The following LRP8 variants were observed in gnomAD, a reference collection of about 807,000 sequenced individuals.
LRP8 encodes the protein LDL receptor related protein 8.
LRP8 carries 46 observed loss-of-function variants against 111.6 expected under a neutral mutation model. The ratio of observed to expected loss-of-function variants is 0.41; its 90% CI spans 0.33 to 0.53. The LOEUF (loss-of-function observed/expected upper bound fraction) is 0.53. LRP8 is among the 20% of genes least tolerant of loss of function. The pLI, the probability that LRP8 is intolerant of heterozygous loss-of-function variation, is 0.20. For synonymous variants in LRP8, 464 were observed against 511.2 expected, an observed-to-expected ratio of 0.91 and a Z score of 1.24; for missense variants, 959 against 1,297.4, an observed-to-expected ratio of 0.74 and a Z score of 4.01.
chr1:53,258,491 C>G lies in LRP8; in HGVS notation c.2057-20G>C, dbSNP rs1572447057. On this transcript the variant is annotated intron_variant, in intron 13 of 18. Transcript: ENST00000306052. ...CTGGAGCTAATGGCAGAGAGGGAGA[C>G]AGCTGGGGCACAGACAGGACATGCC... 1.2e-6 allele frequency: 2 copies of G among 1,612,444 alleles called. No individual in the cohort carries two copies. Among genetic ancestry groups the G allele is most frequent in the Middle Eastern group, 1.7e-4 (1 of 5,874 alleles).
At chr1:53,289,792 G>T (rs912790503) in intron 2 of LRP8, 103 bp from the exon 3 acceptor site, 2 of 1,476,382 alleles carry the variant, frequency 1.4e-6, no homozygotes, top group African/African-American at 2.8e-5. Context: ...GGACTGCCTT[G>T]CTGACCAAGG....
chr1:53,324,345 G>A lies in LRP8; in HGVS notation c.244+2528C>T, dbSNP rs553756796. Among the ~76,000 whole-genome samples the A allele has an allele frequency of 8.4e-4, 128 of 152,172 alleles. 1 individual carries two copies. Among genetic ancestry groups the A allele is most frequent in the Non-Finnish European group, 1.5e-3 (104 of 68,036 alleles). On this transcript the variant is annotated intron_variant, in intron 2 of 18. Coordinates refer to ENST00000306052, the MANE Select transcript of LRP8 (RefSeq NM_004631.5). ...CAGCACCTGGCCCCAACACAGCCAC[G>A]TAAGCCCCACTCCGTTTCTTCAGTT...
chr1:53,255,075 A>G (rs1646031699), intron 16 of LRP8, 42 bp downstream of exon 16: 1 of 1,603,504 alleles, frequency 6.2e-7, no homozygotes, highest in African/African-American at 1.3e-5. Context: ...AGGCCTAAGC[A>G]GGGTCTCTCT....
chr1:53,249,648 G>A lies in LRP8; in HGVS notation c.2677-92C>T, dbSNP rs1333369517. On this transcript the variant is annotated intron_variant, in intron 17 of 18. Transcript: ENST00000306052. The surrounding 1 kb of genome is among the most constrained non-coding windows in gnomAD (Gnocchi z 4.1). ...ACAGTGACACCTGCTGTGCCACTTT[G>A]TGGTCCTCATTCCCCCAAAAAGCCA... is the stretch of plus-strand genomic sequence containing the variant. 1.1e-5 allele frequency: 16 copies of A among 1,447,874 alleles called. No homozygotes were observed. Among genetic ancestry groups the A allele is most frequent in the Non-Finnish European group, 1.4e-5 (15 of 1,100,156 alleles). 89.7% of individuals were successfully genotyped at this position (1,447,874 alleles called of 1,614,324 possible).
At chr1:53,289,352 A>G in intron 3 of LRP8, 1 of 513,644 alleles carries the variant, frequency 1.9e-6, no homozygotes, top group Non-Finnish European at 3.1e-6. Flanking sequence ...CTGCTGCCAC[A>G]GAAACAGGGT....
At chr1:53,321,311 G>T (rs1654481468) in intron 2 of LRP8, among the ~76,000 whole-genome samples, 1 of 152,284 alleles carries the variant, frequency 6.6e-6, no homozygotes, top group African/African-American at 2.4e-5. Context: ...TGGGTGATCT[G>T]GATGTGTGGG....
chr1:53,290,752 C>T (rs371451084), intron 2 of LRP8, among the ~76,000 whole-genome samples: 17 of 152,270 alleles, frequency 1.1e-4, no homozygotes, highest in Middle Eastern at 3.4e-3. Flanking sequence ...CAGCACTGGG[C>T]GCACCTAGCA....
intron 2 of LRP8, among the ~76,000 whole-genome samples, chr1:53,325,346 TAA>T (rs1353058246): frequency 6.6e-6 from 1 of 152,250 alleles, no homozygotes; most frequent in East Asian, 1.9e-4. Flanking sequence ...TTTTAATCTC[TAA>T]AATAGGACTG....
chr1:53,313,043 C>T lies in LRP8; in HGVS notation c.244+13830G>A, dbSNP rs1292346241. 2.0e-5 allele frequency among the ~76,000 whole-genome samples: 3 copies of T among 152,224 alleles called. No individual in the cohort carries two copies. In the East Asian group the frequency reaches 5.8e-4, roughly 29 times the overall value. Reference sequence around the variant, plus strand: ...GCAAGTTCTGGTCTAGCTGCAGCCTCAGGGTCATGCGGGGCCATGTCTGAT... The same window carrying T: ...GCAAGTTCTGGTCTAGCTGCAGCCTTAGGGTCATGCGGGGCCATGTCTGAT... On this transcript the variant is annotated intron_variant, in intron 2 of 18. Transcript: ENST00000306052.
chr1:53,271,708 T>C (rs1233030756), intron 6 of LRP8, among the ~76,000 whole-genome samples: 1 of 152,174 alleles, frequency 6.6e-6, no homozygotes, highest in Non-Finnish European at 1.5e-5. Flanking sequence ...GCCTCCTTCC[T>C]CGTGACCTCA....
Position 53,326,870 on chromosome 1 carries a change from C to CA in LRP8, c.244+2dup. On this transcript the variant is annotated splice_region_variant and intron_variant, in intron 2 of 18. Transcript: ENST00000306052. ...GGTCTGAGCTCCCTGGCCCGCCACT[C>CA]ACGGCAGTCGTCCTCGTCGCTGTGG... 1 of 1,612,204 alleles carries CA rather than the reference C, an allele frequency of 6.2e-7. No homozygotes were observed. The highest frequency in any genetic ancestry group is 8.5e-7 in the Non-Finnish European group (1 of 1,179,370).
chr1:53,284,596 G>A (rs1203361517), intron 3 of LRP8, among the ~76,000 whole-genome samples: 1 of 152,212 alleles, frequency 6.6e-6, no homozygotes, highest in Non-Finnish European at 1.5e-5. Flanking sequence ...AGACCCCAGT[G>A]CAGCAAGCGG....
chr1:53,258,297 C>T (rs754068385), intron 14 of LRP8, 22 bp downstream of exon 14: 10 of 1,607,816 alleles, frequency 6.2e-6, no homozygotes, highest in Non-Finnish European at 8.5e-6. Flanking sequence ...CAGGGGCCAT[C>T]CCTCCTGGAA....
At position 53,275,820 on chromosome 1, in the gene LRP8, C is replaced by A; in HGVS notation, c.884-67G>T. ...GTGCTAGGACAATTTCCCCACCACC[C>A]CAATCCCCATGCCATAGCCACCCCC... On this transcript the variant is annotated intron_variant, in intron 5 of 18. Coordinates refer to ENST00000306052, the MANE Select transcript of LRP8 (RefSeq NM_004631.5). The surrounding 1 kb of genome is among the most constrained non-coding windows in gnomAD (Gnocchi z 4.4). The A allele has an allele frequency of 6.4e-7, 1 of 1,564,384 alleles. No individual in the cohort carries two copies. The highest frequency in any genetic ancestry group is 2.3e-5 in the East Asian group (1 of 43,446).
At chr1:53,321,959 A>G (rs1270537435) in intron 2 of LRP8, among the ~76,000 whole-genome samples, 2 of 152,138 alleles carry the variant, frequency 1.3e-5, no homozygotes, top group Admixed American at 6.5e-5. Flanking sequence ...TGTCACCTCT[A>G]CGGTGGCTGG....
chr1:53,328,036 C>CGCT lies in LRP8; in HGVS notation c.-127_-125dup. On this transcript the variant is annotated 5_prime_UTR_variant, in exon 1 of 19. Transcript: ENST00000306052. Reference sequence around the variant, plus strand: ...CTGCCCCCGCCGCCGCCGCCGCCGCCGCTGCCGCCCGCCCCGGCTCCTCGG... The same window carrying CGCT: ...CTGCCCCCGCCGCCGCCGCCGCCGCCGCTGCTGCCGCCCGCCCCGGCTCCTCGG... 1 of 391,856 alleles carries CGCT rather than the reference C, an allele frequency of 2.6e-6. No homozygotes were observed. Among genetic ancestry groups the CGCT allele is most frequent in the Non-Finnish European group, 3.4e-6 (1 of 290,052 alleles). 24.3% of individuals were successfully genotyped at this position (391,856 alleles called of 1,614,324 possible).
At chr1:53,311,635 T>C (rs763510627) in intron 2 of LRP8, among the ~76,000 whole-genome samples, 8 of 149,298 alleles carry the variant, frequency 5.4e-5, no homozygotes, top group Non-Finnish European at 1.2e-4. Context: ...ACCCCATCTC[T>C]CTCTCCCTAC....
At chr1:53,254,323 C>A (rs990794122) in intron 16 of LRP8, among the ~76,000 whole-genome samples, 2 of 151,982 alleles carry the variant, frequency 1.3e-5, no homozygotes, top group African/African-American at 4.8e-5. Flanking sequence ...CCTGACCCTT[C>A]CAGGCCATTT....
intron 3 of LRP8, among the ~76,000 whole-genome samples, chr1:53,283,529 T>A (rs113917978): frequency 8.3e-6 from 1 of 120,640 alleles, no homozygotes; most frequent in Non-Finnish European, 1.7e-5. Flanking sequence ...GGCCACTTAC[T>A]TACTACATAC....
Sources: gnomAD v4.1 joint callset for allele counts (sites outside exome capture counted in the v4.1 genomes callset) on GRCh38, gnomAD v4.1.1 for gene constraint, Gnocchi (gnomAD v3.1) non-coding constraint, MANE v1.5 for transcripts, NCBI Gene and HGNC (gene_info 2026-07-23, HGNC 2026-07-21) for gene names.